Variants in ANKEF1 observed in about 807,000 individuals in gnomAD.
ANKEF1 encodes ankyrin repeat and EF-hand domain containing 1, also known as ankyrin repeat and EF-hand domain-containing protein 1.
Under a neutral mutation model 65.1 loss-of-function variants are expected in ANKEF1, and 43 were observed. The observed-to-expected ratio is 0.66, with a 90% CI of 0.52 to 0.85. ANKEF1 has a LOEUF of 0.85. Among genes scored for constraint, ANKEF1 ranks in the 40% least tolerant of loss-of-function variants. The pLI, the probability that ANKEF1 is intolerant of heterozygous loss-of-function variation, is 0.00. For missense variants in ANKEF1, 934 were observed against 952.9 expected (o/e 0.98, Z 0.26); for synonymous variants, 316 against 341.5 (o/e 0.93, Z 0.82).
Position 10,035,287 on chromosome 20 carries a change from T to C in ANKEF1, c.-155T>C, listed in dbSNP as rs1023476176. 16 of 152,422 alleles carry C rather than the reference T, an allele frequency of 1.0e-4. No homozygotes were observed. The highest frequency in any genetic ancestry group is 1.3e-4 in the Non-Finnish European group (9 of 68,208). 9.4% of individuals were successfully genotyped at this position (152,422 alleles called of 1,614,324 possible). A position where few individuals can be genotyped will look rare whatever the true frequency, so the allele number is the denominator to read the frequency against. Reference sequence around the variant, plus strand: ...GGTCGCCCCAGCAGGCCCAGGCACATAGGTGCCCAGAGATCCCTGGCTTCT... The same window carrying C: ...GGTCGCCCCAGCAGGCCCAGGCACACAGGTGCCCAGAGATCCCTGGCTTCT... On this transcript the variant is annotated 5_prime_UTR_variant, in exon 1 of 11. It removes the in-frame stop codon of an upstream open reading frame in the 5' UTR. Transcript: ENST00000378392.
chr20:10,043,647 T>C (rs1449673209), intron 4 of ANKEF1, among the ~76,000 whole-genome samples: 1 of 142,072 alleles, frequency 7.0e-6, no homozygotes, highest in Non-Finnish European at 1.5e-5. Context: ...TTTCTTTTTC[T>C]TTTCCTTTTT....
intron 2 of ANKEF1, among the ~76,000 whole-genome samples, chr20:10,036,579 C>T (rs749689116): frequency 6.6e-6 from 1 of 152,192 alleles, no homozygotes; most frequent in African/African-American, 2.4e-5. Flanking sequence ...CGGTGGCTCA[C>T]GCCTGTAGTC....
chr20:10,051,616 C>G, intron 7 of ANKEF1, 47 bp from the exon 8 acceptor site: 1 of 1,438,418 alleles, frequency 7.0e-7, no homozygotes, highest in Non-Finnish European at 9.7e-7. Context: ...AGTGTCCAGT[C>G]ATTGGAAAAC....
chr20:10,044,525 T>C lies in ANKEF1; in HGVS notation c.678T>C (p.Ala226=), dbSNP rs779902784. 4.3e-6 allele frequency: 7 copies of C among 1,613,994 alleles called. No individual in the cohort carries two copies. Among genetic ancestry groups the C allele is most frequent in the Non-Finnish European group, 5.9e-6 (7 of 1,179,980 alleles). Residue 226 remains alanine, a synonymous_variant, in exon 5 of 11, where the codon GCT becomes GCC. Coordinates refer to ENST00000378392, the MANE Select transcript of ANKEF1 (RefSeq NM_022096.6). ...NDRHHAAHFA[A]KGGFFDILKL... The stretch of plus-strand genomic sequence containing the variant: ...GGCATCACGCTGCTCATTTTGCTGC[T>C]AAAGGAGGCTTTTTCGATGTAATAA...
rs1568519758 is a variant in ANKEF1, at chr20:10,056,343, A to G, written c.*683A>G. 6.6e-6 allele frequency: 1 copy of G among 151,572 alleles called. No homozygotes were observed. Among genetic ancestry groups the G allele is most frequent in the Non-Finnish European group, 1.5e-5 (1 of 67,862 alleles). The allele number at this position is 151,572 out of a possible 1,614,324, so 9.4% of individuals were successfully genotyped here. A position where few individuals can be genotyped will look rare whatever the true frequency, so the allele number is the denominator to read the frequency against. ...AGATAGATAGCTATTAGGTTGGTGC[A>G]AAAGTAATTGTGGTTTTTGCCATAA... On this transcript the variant is annotated 3_prime_UTR_variant, in exon 11 of 11. Coordinates refer to ENST00000378392, the MANE Select transcript of ANKEF1 (RefSeq NM_022096.6).
intron 2 of ANKEF1, among the ~76,000 whole-genome samples, chr20:10,037,511 C>A (rs1983930517): frequency 6.6e-6 from 1 of 152,184 alleles, no homozygotes; most frequent in Admixed American, 6.5e-5. Flanking sequence ...GCCACAGACG[C>A]TTTCCTCTGG....
At chr20:10,038,722 T>C in intron 3 of ANKEF1, 75 bp downstream of exon 3, 1 of 1,192,780 alleles carries the variant, frequency 8.4e-7, no homozygotes, top group Non-Finnish European at 1.2e-6. Flanking sequence ...GGACTCTTTT[T>C]GTTTTCCAAC....
intron 5 of ANKEF1, among the ~76,000 whole-genome samples, chr20:10,045,283 T>C (rs1984447795): frequency 6.6e-6 from 1 of 152,202 alleles, no homozygotes; most frequent in African/African-American, 2.4e-5. Context: ...TTCTATACTC[T>C]AGATCGATGC....
rs974101189 is a variant in ANKEF1, at chr20:10,037,199, G to A, written c.-44-1059G>A. On this transcript the variant is annotated intron_variant, in intron 2 of 10. Coordinates refer to ENST00000378392, the MANE Select transcript of ANKEF1 (RefSeq NM_022096.6). The stretch of plus-strand genomic sequence containing the variant: ...TAGCTTATACCAAAATAAGGTGACG[G>A]GGGAGAAGATGTATTTACCCACAAA... Among the ~76,000 whole-genome samples, 9 of 152,092 alleles carry A rather than the reference G, an allele frequency of 5.9e-5. 1 individual carries two copies. The highest frequency in any genetic ancestry group is 2.2e-4 in the African/African-American group (9 of 41,392).
chr20:10,047,622 G>C (rs1984592361), intron 6 of ANKEF1, among the ~76,000 whole-genome samples: 1 of 152,154 alleles, frequency 6.6e-6, no homozygotes, highest in Admixed American at 6.5e-5. Flanking sequence ...AAGCATGTGA[G>C]AGCCACATCC....
At chr20:10,041,638 C>T (rs1015870019) in intron 3 of ANKEF1, among the ~76,000 whole-genome samples, 2 of 152,178 alleles carry the variant, frequency 1.3e-5, no homozygotes, top group South Asian at 4.1e-4. Context: ...TACTATTTCT[C>T]CTTCCTTCCC....
intron 7 of ANKEF1, among the ~76,000 whole-genome samples, chr20:10,051,013 A>G (rs1984830186): frequency 6.6e-6 from 1 of 152,218 alleles, no homozygotes; most frequent in South Asian, 2.1e-4. Context: ...CCATAGTTGT[A>G]TAACCTGGGT....
chr20:10,047,715 G>C (rs1235583594), intron 6 of ANKEF1, among the ~76,000 whole-genome samples: 1 of 152,178 alleles, frequency 6.6e-6, no homozygotes, highest in Non-Finnish European at 1.5e-5. Context: ...GCACCAGCCA[G>C]CTGGAAGTTG....
chr20:10,048,352 A>G (rs1378168343), intron 6 of ANKEF1, among the ~76,000 whole-genome samples: 3 of 152,026 alleles, frequency 2.0e-5, no homozygotes, highest in Non-Finnish European at 2.9e-5. Context: ...ACCATGCTTA[A>G]TAATCACATC....
intron 2 of ANKEF1, among the ~76,000 whole-genome samples, chr20:10,036,435 C>T (rs1983863343): frequency 6.6e-6 from 1 of 151,926 alleles, no homozygotes; most frequent in Non-Finnish European, 1.5e-5. Flanking sequence ...ATAAAACAAG[C>T]CATAAATAGC....
At chr20:10,037,308 ACT>A (rs1317832905) in intron 2 of ANKEF1, among the ~76,000 whole-genome samples, 1 of 151,792 alleles carries the variant, frequency 6.6e-6, no homozygotes, top group South Asian at 2.1e-4. Flanking sequence ...CCAAGCATGG[ACT>A]CTCTCTGTGG....
chr20:10,039,521 T>C (rs1487779771), intron 3 of ANKEF1, among the ~76,000 whole-genome samples: 1 of 152,224 alleles, frequency 6.6e-6, no homozygotes, highest in Non-Finnish European at 1.5e-5. Flanking sequence ...TTGATATGAT[T>C]ACTTGCTTAG....
At position 10,049,374 on chromosome 20, in the gene ANKEF1, A is replaced by G; in HGVS notation, c.821-16A>G. The G allele has an allele frequency of 6.3e-7, 1 of 1,586,034 alleles. No homozygotes were observed. Among genetic ancestry groups the G allele is most frequent in the Non-Finnish European group, 8.6e-7 (1 of 1,166,572 alleles). Reference sequence around the variant, plus strand: ...GCCTTGGCACCATTCATAATTAATGATGCTTTATGTTTTAGGATGTGACCT... The same window carrying G: ...GCCTTGGCACCATTCATAATTAATGGTGCTTTATGTTTTAGGATGTGACCT... On this transcript the variant is annotated splice_polypyrimidine_tract_variant and intron_variant, in intron 6 of 10. Coordinates refer to ENST00000378392, the MANE Select transcript of ANKEF1 (RefSeq NM_022096.6).
chr20:10,036,312 T>G (rs1412948718), intron 2 of ANKEF1, among the ~76,000 whole-genome samples: 1 of 152,240 alleles, frequency 6.6e-6, no homozygotes, highest in Non-Finnish European at 1.5e-5. Context: ...TCAAGTGGCA[T>G]TGATTCAGTC....
Sources: gnomAD v4.1 joint callset for allele counts (sites outside exome capture counted in the v4.1 genomes callset) on GRCh38, gnomAD v4.1.1 for gene constraint, MANE v1.5 for transcripts, NCBI Gene and HGNC (gene_info 2026-07-23, HGNC 2026-07-21) for gene names.